Variants in SUPT3H observed in about 807,000 individuals in gnomAD.
The protein encoded by SUPT3H is SPT3 homolog, SAGA and STAGA complex component, also known as transcription initiation protein SPT3 homolog.
Under a neutral mutation model 44.3 loss-of-function variants are expected in SUPT3H, and 44 were observed. The observed-to-expected ratio is 0.99, with a 90% CI of 0.78 to 1.28. The LOEUF (loss-of-function observed/expected upper bound fraction) is 1.28. SUPT3H is among the 50% of genes most tolerant of loss of function. SUPT3H has a pLI of 0.00. For synonymous variants in SUPT3H, 124 were observed against 125.6 expected, an observed-to-expected ratio of 0.99 and a Z score of 0.09; for missense variants, 380 against 387.1, an observed-to-expected ratio of 0.98 and a Z score of 0.15.
rs1745800079 is a variant in SUPT3H at position 44,905,340 on chromosome 6, C to A, written c.912+27313G>T. Among the ~76,000 whole-genome samples the A allele has an allele frequency of 2.0e-5, 3 of 152,034 alleles. No homozygotes were observed. In the South Asian group the frequency reaches 6.2e-4, roughly 32 times the overall value. On this transcript the variant is annotated intron_variant, in intron 10 of 10. Transcript: ENST00000371459. ...ATTTACAAGAAAAAAACAAACAGCC[C>A]CATCAAAAAGTGGGCAAAGGATACG...
intron 10 of SUPT3H, among the ~76,000 whole-genome samples, chr6:44,848,582 G>T (rs1416081130): frequency 6.6e-6 from 1 of 152,182 alleles, no homozygotes; most frequent in Admixed American, 6.5e-5. Flanking sequence ...TACATTTGTT[G>T]TGTGGATCTC....
intron 2 of SUPT3H, among the ~76,000 whole-genome samples, chr6:45,292,807 C>T (rs1780531580): frequency 2.1e-5 from 3 of 139,598 alleles, no homozygotes; most frequent in South Asian, 2.4e-4. Flanking sequence ...AATACATGCA[C>T]CTGACACTGG....
At chr6:44,918,379 G>A (rs1376840509) in intron 10 of SUPT3H, among the ~76,000 whole-genome samples, 1 of 152,152 alleles carries the variant, frequency 6.6e-6, no homozygotes, top group Non-Finnish European at 1.5e-5. Flanking sequence ...GCAAAAGAAG[G>A]ACTTGTAAGT....
At chr6:45,142,237 T>C (rs897631444) in intron 2 of SUPT3H, among the ~76,000 whole-genome samples, 2 of 152,074 alleles carry the variant, frequency 1.3e-5, no homozygotes, top group Non-Finnish European at 2.9e-5. Flanking sequence ...CTACAAGAAA[T>C]GCTAAAAGAA....
chr6:45,017,485 C>G (rs1180020690), intron 4 of SUPT3H, among the ~76,000 whole-genome samples: 2 of 151,936 alleles, frequency 1.3e-5, no homozygotes, highest in Non-Finnish European at 2.9e-5. Flanking sequence ...TTAGGTCTAA[C>G]ATTTAAGTCT....
chr6:45,172,189 C>T (rs1810918864), intron 2 of SUPT3H, among the ~76,000 whole-genome samples: 3 of 151,852 alleles, frequency 2.0e-5, no homozygotes, highest in African/African-American at 7.3e-5. Flanking sequence ...TCTCCTCCCT[C>T]AGCCTCCAGA....
At chr6:45,053,523 T>C (rs1041722094) in intron 3 of SUPT3H, among the ~76,000 whole-genome samples, 5 of 151,722 alleles carry the variant, frequency 3.3e-5, no homozygotes, top group Non-Finnish European at 7.4e-5. Flanking sequence ...ATCTTGAAAA[T>C]TGAGAAAATA....
At chr6:45,061,829 G>A (rs918827846) in intron 3 of SUPT3H, among the ~76,000 whole-genome samples, 2 of 150,392 alleles carry the variant, frequency 1.3e-5, no homozygotes, top group Non-Finnish European at 2.9e-5. Context: ...ATTGTTCTGA[G>A]CTGTAAATTC....
chr6:44,889,456 C>T (rs1009181833), intron 10 of SUPT3H, among the ~76,000 whole-genome samples: 10 of 152,116 alleles, frequency 6.6e-5, no homozygotes, highest in East Asian at 1.9e-4. Context: ...GAAATAACAC[C>T]GCATATCTGC....
In SUPT3H at chr6:45,211,577, G is replaced by A. The variant is rs371095409; in HGVS notation, c.102-105571C>T. On this transcript the variant is annotated intron_variant, in intron 2 of 10. Transcript: ENST00000371459. ...ATTAAAAGAGAATTCTGGGCCAGGC[G>A]TGGTGGCTCGCACCTGTAATCCCAG... Among the ~76,000 whole-genome samples the A allele has an allele frequency of 8.5e-5, 13 of 152,180 alleles. No individual in the cohort carries two copies. The East Asian group carries it at 9.7e-4, about 11-fold the overall frequency.
intron 2 of SUPT3H, among the ~76,000 whole-genome samples, chr6:45,128,068 G>A (rs899052571): frequency 6.6e-6 from 1 of 151,866 alleles, no homozygotes; most frequent in Non-Finnish European, 1.5e-5. Flanking sequence ...TTATTCTGAC[G>A]CTTACTTTGT....
At chr6:44,995,581 G>A (rs141224226) in intron 6 of SUPT3H, among the ~76,000 whole-genome samples, 2,930 of 151,982 alleles carry the variant, frequency 0.019, 57 homozygotes, top group South Asian at 0.086. Context: ...AAAAATCAAT[G>A]GTACATCTTT....
At chr6:45,184,492 T>G (rs1039063422) in intron 2 of SUPT3H, among the ~76,000 whole-genome samples, 2 of 152,098 alleles carry the variant, frequency 1.3e-5, no homozygotes, top group East Asian at 3.8e-4. Context: ...AGTGCTTCTA[T>G]GTGAACAAAA....
chr6:44,823,929 C>G (rs1186714793), downstream of SUPT3H, among the ~76,000 whole-genome samples: 4 of 152,190 alleles, frequency 2.6e-5, no homozygotes, highest in African/African-American at 9.7e-5. Flanking sequence ...AGCCATTGCA[C>G]TCCAGCCTGG....
In SUPT3H at chr6:45,254,204, G is replaced by A. The variant is rs180999601; in HGVS notation, c.101+110997C>T. ...TCTACTTTAATCAGAATTGAAATAG[G>A]AACCCAAGTTGTATTAAACCAACAA... On this transcript the variant is annotated intron_variant, in intron 2 of 10. Transcript: ENST00000371459. Among the ~76,000 whole-genome samples the A allele has an allele frequency of 2.5e-4, 38 of 152,124 alleles. 1 individual carries two copies. Among genetic ancestry groups the A allele is most frequent in the African/African-American group, 7.7e-4 (32 of 41,498 alleles).
chr6:45,020,189 A>G (rs1475099226), intron 4 of SUPT3H, among the ~76,000 whole-genome samples: 1 of 151,978 alleles, frequency 6.6e-6, no homozygotes, highest in Non-Finnish European at 1.5e-5. Flanking sequence ...TGGTAATGTT[A>G]ATCTGTAAGA....
chr6:45,000,952 G>C (rs535471204), intron 6 of SUPT3H, among the ~76,000 whole-genome samples: 1 of 152,180 alleles, frequency 6.6e-6, no homozygotes, highest in East Asian at 1.9e-4. Context: ...AGACTAGATA[G>C]TTTACTTGAT....
At chr6:45,363,299 T>C (rs1315279161) in intron 2 of SUPT3H, among the ~76,000 whole-genome samples, 1 of 152,184 alleles carries the variant, frequency 6.6e-6, no homozygotes, top group Non-Finnish European at 1.5e-5. Context: ...AGGACATCTG[T>C]TTTTAACTTT....
At chr6:45,260,494 A>G (rs1774186496) in intron 2 of SUPT3H, among the ~76,000 whole-genome samples, 1 of 152,176 alleles carries the variant, frequency 6.6e-6, no homozygotes, top group Non-Finnish European at 1.5e-5. Context: ...GCTTTCTAGC[A>G]GCATTGCTGA....
Sources: allele counts gnomAD v4.1 joint callset (sites outside exome capture counted in the v4.1 genomes callset), GRCh38; gene constraint gnomAD v4.1.1; transcripts MANE v1.5; gene names NCBI Gene and HGNC (gene_info 2026-07-23, HGNC 2026-07-21).